The following TUT7 variants were observed in gnomAD, a reference collection of about 807,000 sequenced individuals.
The protein encoded by TUT7 is terminal uridylyl transferase 7.
TUT7 carries 33 observed loss-of-function variants against 165.9 expected under a neutral mutation model. The ratio of observed to expected loss-of-function variants is 0.20; its 90% CI spans 0.15 to 0.27. The LOEUF (loss-of-function observed/expected upper bound fraction) is 0.27. Among genes scored for constraint, TUT7 ranks in the 10% least tolerant of loss-of-function variants. The probability of loss-of-function intolerance (pLI) is 1.00; values close to 1 mark genes in which losing one functional copy is unlikely to be tolerated. For synonymous variants in TUT7, 552 were observed against 608.1 expected (o/e 0.91, Z 1.36); for missense variants, 1,338 against 1,762.3 (o/e 0.76, Z 4.31).
intron 26 of TUT7, among the ~76,000 whole-genome samples, chr9:86,296,749 T>A (rs1826363959): frequency 2.6e-5 from 4 of 152,226 alleles, no homozygotes; most frequent in Admixed American, 2.6e-4. Flanking sequence ...CAACATGCTT[T>A]CTTGAGAAAC....
intron 26 of TUT7, among the ~76,000 whole-genome samples, chr9:86,292,284 G>T (rs542356689): frequency 6.6e-6 from 1 of 152,152 alleles, no homozygotes; most frequent in Non-Finnish European, 1.5e-5. Context: ...ATATGTTAAG[G>T]AGTACATATG....
At chr9:86,349,797 C>G (rs1832111860) in intron 2 of TUT7, among the ~76,000 whole-genome samples, 1 of 152,110 alleles carries the variant, frequency 6.6e-6, no homozygotes, top group African/African-American at 2.4e-5. Flanking sequence ...TAATTCTTTA[C>G]TTAATAACTG....
intron 26 of TUT7, among the ~76,000 whole-genome samples, chr9:86,291,711 T>C (rs1183380785): frequency 1.3e-5 from 2 of 152,096 alleles, no homozygotes; most frequent in Admixed American, 6.5e-5. Context: ...AAATAAAGTA[T>C]TTGGAAGAAT....
intron 11 of TUT7, among the ~76,000 whole-genome samples, 164 bp from the exon 12 acceptor site, chr9:86,325,678 G>A (rs539552229): frequency 6.6e-6 from 1 of 152,312 alleles, no homozygotes; most frequent in East Asian, 1.9e-4. Flanking sequence ...TATTTTGTTT[G>A]TGGTAAAACA....
In TUT7 at chr9:86,311,589, T is replaced by TCCCTCTC. The variant is rs61336499; in HGVS notation, c.3275-787_3275-781dup. ...TCCTCTCCCTCTCCCTCTCCCCTCT[T>TCCCTCTC]CCCTCTCCCCTCTCCCCACGGTCTC... On this transcript the variant is annotated intron_variant, in intron 17 of 26. Transcript: ENST00000375963. The surrounding 1 kb of genome is among the most constrained non-coding windows in gnomAD (Gnocchi z 4.4). Among the ~76,000 whole-genome samples, 66,029 of 149,850 alleles carry TCCCTCTC rather than the reference T, an allele frequency of 0.44. 14,747 individuals carry two copies. The highest frequency in any genetic ancestry group is 0.59 in the Middle Eastern group (171 of 290).
In TUT7 at chr9:86,288,325, T is replaced by C. The variant is rs1825675135; in HGVS notation, c.*352A>G. The stretch of plus-strand genomic sequence containing the variant: ...TTATACGGAAAAAGGGTTAATTTAC[T>C]TGGGGTTTATCAGCACACCATTTTT... On this transcript the variant is annotated 3_prime_UTR_variant, in exon 27 of 27. Transcript: ENST00000375963. 6.3e-6 allele frequency: 1 copy of C among 159,752 alleles called. No individual in the cohort carries two copies. Among genetic ancestry groups the C allele is most frequent in the African/African-American group, 2.4e-5 (1 of 41,762 alleles). The allele number at this position is 159,752 out of a possible 1,614,324, so 9.9% of individuals were successfully genotyped here. A position where few individuals can be genotyped will look rare whatever the true frequency, so the allele number is the denominator to read the frequency against.
At chr9:86,310,132 T>A (rs1012990900) in intron 18 of TUT7, 115 bp from the exon 19 acceptor site, 7 of 857,980 alleles carry the variant, frequency 8.2e-6, no homozygotes, top group Non-Finnish European at 1.2e-5. Context: ...TTGCCCAGGC[T>A]GGTCATGAAC....
At chr9:86,303,709 T>C (rs1827173871) in intron 24 of TUT7, among the ~76,000 whole-genome samples, 1 of 152,198 alleles carries the variant, frequency 6.6e-6, no homozygotes, top group South Asian at 2.1e-4. Context: ...GTAGCCTCTT[T>C]GTACTAAAAT....
chr9:86,352,281 TTC>T (rs1342278876), intron 2 of TUT7, among the ~76,000 whole-genome samples: 1 of 152,214 alleles, frequency 6.6e-6, no homozygotes, highest in Non-Finnish European at 1.5e-5. Context: ...AAGCTTTATA[TTC>T]TGTCATTTAT....
intron 9 of TUT7, among the ~76,000 whole-genome samples, chr9:86,338,160 C>T (rs978521763): frequency 2.9e-4 from 44 of 151,854 alleles, no homozygotes; most frequent in African/African-American, 9.7e-4. Flanking sequence ...ATTGATATAC[C>T]TGAATCAGTA....
chr9:86,322,472 G>A lies in TUT7; in HGVS notation c.2881C>T (p.Pro961Ser). 17 of 1,608,772 alleles carry A rather than the reference G, an allele frequency of 1.1e-5. No homozygotes were observed. Among genetic ancestry groups the A allele is most frequent in the Non-Finnish European group, 1.4e-5 (16 of 1,178,580 alleles). ...SKLIFTKGKS[P>S]TVVCSLCKRE... The stretch of plus-strand genomic sequence containing the variant: ...TTGCATAAGCTGCACACTACCGTAG[G>A]AGACTGCAGGAATATGGCAAAGCAA... Residue 961 changes from proline (P) to serine (S), a missense_variant, in exon 14 of 27, where the codon CCT (proline) becomes TCT (serine). By Grantham distance (74) the Pro-to-Ser change is moderately conservative (BLOSUM62 -1). Transcript: ENST00000375963.
At position 86,325,448 on chromosome 9, in the gene TUT7, G is replaced by A. The variant is rs1829703425; in HGVS notation, c.1675C>T (p.Leu559=). ...TTAAATTCTAAAGCATAGAACCGCA[G>A]CAATTCCACCCAGAGCTGCCCAACT... ...VPVGQLWVEL[L]RFYALEFNLA... is the part of the protein sequence containing the mutation. The change falls in exon 12 of 27, where the codon CTG becomes TTG. Residue 559 remains leucine, a synonymous_variant. Transcript: ENST00000375963. 4.3e-6 allele frequency: 7 copies of A among 1,614,058 alleles called. 1 individual carries two copies. In the East Asian group the frequency reaches 1.6e-4, roughly 36 times the overall value.
intron 16 of TUT7, 46 bp downstream of exon 16, chr9:86,318,912 A>G (rs1221966754): frequency 1.3e-6 from 2 of 1,496,812 alleles, no homozygotes; most frequent in South Asian, 1.1e-5. Context: ...TAGATTGGTT[A>G]AATCACACTG....
In TUT7 at chr9:86,346,284, A is replaced by G. The variant is rs1175319715; in HGVS notation, c.702+15T>C. The G allele has an allele frequency of 6.2e-7, 1 of 1,609,748 alleles. No homozygotes were observed. The highest frequency in any genetic ancestry group is 1.7e-5 in the Admixed American group (1 of 59,274). On this transcript the variant is annotated intron_variant, in intron 3 of 26. Coordinates refer to ENST00000375963, the MANE Select transcript of TUT7 (RefSeq NM_024617.4). ...CCAGGATTCTAACCAACAAATATAT[A>G]TATAAGGATGTTACCCTTTTTAGCC...
chr9:86,298,827 C>A (rs2131289558), intron 26 of TUT7: 4 of 984,734 alleles, frequency 4.1e-6, no homozygotes, highest in Non-Finnish European at 4.8e-6. Flanking sequence ...TGTAAAAGCA[C>A]TGCCTAAAAA....
In TUT7 at chr9:86,323,312, T is replaced by C. The variant is rs766013413; in HGVS notation, c.2438A>G (p.Asp813Gly). ...CTCAGTACCTTCTGTACTTTCTCCA[T>C]CAAGATCAGCCTTGTTATCTAAAGT... Reference protein sequence around the residue: ...LATLDNKADLDGESTEGTEEL... With the variant: ...LATLDNKADLGGESTEGTEEL... The change falls in exon 13 of 27, where the codon GAT (aspartate) becomes GGT (glycine). Residue 813 changes from aspartate (D) to glycine (G), a missense_variant. Physicochemically the swap from Asp to Gly is moderately conservative, Grantham distance 94 (BLOSUM62 -1). Around this residue, in one of 7 missense-constraint regions of TUT7, gnomAD observed 425 missense variants for 474.9 expected, o/e 0.89. Transcript: ENST00000375963. 1.2e-6 allele frequency: 2 copies of C among 1,614,054 alleles called. No homozygotes were observed. The highest frequency in any genetic ancestry group is 1.1e-5 in the South Asian group (1 of 91,086).
intron 22 of TUT7, among the ~76,000 whole-genome samples, 188 bp downstream of exon 22, chr9:86,308,241 G>T (rs1827708640): frequency 6.6e-6 from 1 of 152,114 alleles, no homozygotes; most frequent in Non-Finnish European, 1.5e-5. Flanking sequence ...TTGTCATGGT[G>T]AAATGGCTTC....
chr9:86,292,255 A>G (rs1292461970), intron 26 of TUT7, among the ~76,000 whole-genome samples: 1 of 152,148 alleles, frequency 6.6e-6, no homozygotes, highest in Non-Finnish European at 1.5e-5. Flanking sequence ...TTTAATTTAA[A>G]AATTCACCAA....
chr9:86,294,183 T>C (rs1228712809), intron 26 of TUT7, among the ~76,000 whole-genome samples: 1 of 151,432 alleles, frequency 6.6e-6, no homozygotes, highest in Non-Finnish European at 1.5e-5. Context: ...CTGTCCTTTC[T>C]AATTCCCCTT....
Sources: gnomAD v4.1 joint callset for allele counts (sites outside exome capture counted in the v4.1 genomes callset) on GRCh38, gnomAD v4.1.1 for gene constraint, gnomAD v4.1.1 regional missense constraint, Gnocchi (gnomAD v3.1) non-coding constraint, MANE v1.5 for transcripts, NCBI Gene and HGNC (gene_info 2026-07-23, HGNC 2026-07-21) for gene names.